The following NCKAP5 variants were observed in gnomAD, a reference collection of about 807,000 sequenced individuals.
NCKAP5 encodes nck-associated protein 5.
In NCKAP5, 92 loss-of-function variants were observed where a neutral mutation model predicts 167.0. That is an observed-to-expected ratio of 0.55 (90% CI 0.47 to 0.66). The LOEUF (loss-of-function observed/expected upper bound fraction) is 0.66. Among genes scored for constraint, NCKAP5 ranks in the 30% least tolerant of loss-of-function variants. The pLI, the probability that NCKAP5 is intolerant of heterozygous loss-of-function variation, is 0.00. For synonymous variants in NCKAP5, 891 were observed against 877.4 expected (o/e 1.02, Z -0.27); for missense variants, 2,378 against 2,315.0 (o/e 1.03, Z -0.56).
At chr2:133,296,495 G>T (rs965625276) in intron 4 of NCKAP5, among the ~76,000 whole-genome samples, 20 of 152,046 alleles carry the variant, frequency 1.3e-4, no homozygotes, top group Non-Finnish European at 1.0e-4. Flanking sequence ...TGAGCTACTG[G>T]CAAGTTGTTA....
rs192466319 is a variant in NCKAP5, at chr2:132,807,238, T to C, written c.808-10509A>G. Among the ~76,000 whole-genome samples the C allele has an allele frequency of 1.4e-3, 214 of 152,200 alleles. 1 individual carries two copies. Among genetic ancestry groups the C allele is most frequent in the African/African-American group, 4.9e-3 (203 of 41,566 alleles). On this transcript the variant is annotated intron_variant, in intron 11 of 19. Transcript: ENST00000409261. ...TTTGTTTAGTCTTGCTTTGGCTATG[T>C]GGCTCTTTTATGGTTCCATATGAAT...
chr2:133,423,306 T>C (rs1457577066), intron 3 of NCKAP5, among the ~76,000 whole-genome samples: 1 of 152,154 alleles, frequency 6.6e-6, no homozygotes, highest in Non-Finnish European at 1.5e-5. Flanking sequence ...CAGTCAGTGA[T>C]TGTAAGCAGA....
At chr2:133,202,794 C>A (rs1195791111) in intron 5 of NCKAP5, among the ~76,000 whole-genome samples, 2 of 152,170 alleles carry the variant, frequency 1.3e-5, no homozygotes, top group Admixed American at 6.5e-5. Flanking sequence ...AAAAAATGCT[C>A]ATCATCACTG....
At chr2:132,721,326 A>C (rs1435473004) in intron 19 of NCKAP5, among the ~76,000 whole-genome samples, 1 of 140,510 alleles carries the variant, frequency 7.1e-6, no homozygotes, top group Non-Finnish European at 1.5e-5. Flanking sequence ...AAAGAAAAGA[A>C]AAAAAGAAAT....
chr2:133,247,323 A>C (rs1047277603), intron 4 of NCKAP5, among the ~76,000 whole-genome samples: 1 of 152,234 alleles, frequency 6.6e-6, no homozygotes, highest in African/African-American at 2.4e-5. Context: ...GTTGTTATAA[A>C]AACTGTGAGA....
At chr2:133,034,940 C>T (rs2078994154) in intron 6 of NCKAP5, among the ~76,000 whole-genome samples, 1 of 151,874 alleles carries the variant, frequency 6.6e-6, no homozygotes, top group Non-Finnish European at 1.5e-5. Flanking sequence ...TGTAAATGTA[C>T]TATACTCTCC....
At chr2:132,830,904 C>G (rs1574357658) in intron 11 of NCKAP5, among the ~76,000 whole-genome samples, 1 of 152,156 alleles carries the variant, frequency 6.6e-6, no homozygotes, top group African/African-American at 2.4e-5. Context: ...ATGCTTCCCT[C>G]CCCATCTCAC....
chr2:133,241,515 G>A (rs1421334618), intron 4 of NCKAP5, among the ~76,000 whole-genome samples: 1 of 152,126 alleles, frequency 6.6e-6, no homozygotes, highest in Non-Finnish European at 1.5e-5. Context: ...GCAAGTCATA[G>A]CCCTGGCACT....
chr2:133,132,518 A>AC (rs1559173963), intron 5 of NCKAP5, among the ~76,000 whole-genome samples: 2 of 110,472 alleles, frequency 1.8e-5, no homozygotes. Context: ...CACACACACA[A>AC]ACCCTGATAA....
chr2:133,519,361 T>C (rs2104762271), intron 2 of NCKAP5, among the ~76,000 whole-genome samples: 1 of 152,370 alleles, frequency 6.6e-6, no homozygotes, highest in South Asian at 2.1e-4. Flanking sequence ...CTAGGCAGTA[T>C]TTTTCAGAAA....
At chr2:133,354,157 T>C (rs1187454496) in intron 3 of NCKAP5, among the ~76,000 whole-genome samples, 1 of 152,152 alleles carries the variant, frequency 6.6e-6, no homozygotes, top group Non-Finnish European at 1.5e-5. Flanking sequence ...ACATCTCCCA[T>C]TTCAAATTCT....
intron 3 of NCKAP5, among the ~76,000 whole-genome samples, chr2:133,304,467 A>C (rs986317012): frequency 1.1e-4 from 16 of 152,234 alleles, no homozygotes; most frequent in African/African-American, 3.9e-4. Flanking sequence ...ACTACTCAAT[A>C]GTTATTTAAA....
At chr2:133,660,203 A>G in the NCKAP5 span, among the ~76,000 whole-genome samples, 3 of 152,272 alleles carry the variant, frequency 2.0e-5, no homozygotes, top group Middle Eastern at 3.4e-3. Flanking sequence ...TTTTCCCTTC[A>G]GTCAAAATGC....
intron 3 of NCKAP5, among the ~76,000 whole-genome samples, chr2:133,477,424 T>C (rs923366365): frequency 2.0e-5 from 3 of 152,220 alleles, no homozygotes; most frequent in Non-Finnish European, 4.4e-5. Context: ...AGATCTGCTT[T>C]TGGTGCCCTG....
intron 8 of NCKAP5, among the ~76,000 whole-genome samples, chr2:132,882,639 T>C (rs1254014722): frequency 1.3e-5 from 2 of 152,216 alleles, no homozygotes; most frequent in Admixed American, 1.3e-4. Flanking sequence ...TTAGTGTGTT[T>C]ATATTATTCA....
At chr2:133,242,687 AAAAG>A (rs1487102032) in intron 4 of NCKAP5, among the ~76,000 whole-genome samples, 1 of 152,242 alleles carries the variant, frequency 6.6e-6, no homozygotes, top group Non-Finnish European at 1.5e-5. Context: ...TATCGACTTT[AAAAG>A]AAATACAAAT....
At chr2:132,712,464 A>C (rs1345794460) in intron 19 of NCKAP5, among the ~76,000 whole-genome samples, 1 of 152,152 alleles carries the variant, frequency 6.6e-6, no homozygotes, top group African/African-American at 2.4e-5. Context: ...ATCCTGGCTA[A>C]CACAGTGAAA....
At chr2:133,258,134 A>G (rs1019877758) in intron 4 of NCKAP5, among the ~76,000 whole-genome samples, 1 of 152,232 alleles carries the variant, frequency 6.6e-6, no homozygotes, top group Non-Finnish European at 1.5e-5. Context: ...TGCCCACCAA[A>G]AACAGACAAA....
At chr2:133,161,407 T>C (rs1449244283) in intron 5 of NCKAP5, among the ~76,000 whole-genome samples, 2 of 152,226 alleles carry the variant, frequency 1.3e-5, no homozygotes, top group African/African-American at 4.8e-5. Flanking sequence ...ATTCAGATGT[T>C]ACACACCTAA....
Sources: gnomAD v4.1 joint callset for allele counts (sites outside exome capture counted in the v4.1 genomes callset) on GRCh38, gnomAD v4.1.1 for gene constraint, MANE v1.5 for transcripts, NCBI Gene and HGNC (gene_info 2026-07-23, HGNC 2026-07-21) for gene names.